Variants in PSD3 observed in about 807,000 individuals in gnomAD.
PSD3 encodes the protein pleckstrin and Sec7 domain containing 3, also known as PH and SEC7 domain-containing protein 3.
In PSD3, 49 loss-of-function variants were observed where a neutral mutation model predicts 105.5. The ratio of observed to expected loss-of-function variants is 0.46; its 90% CI spans 0.37 to 0.59. The LOEUF (loss-of-function observed/expected upper bound fraction) is 0.59. PSD3 is among the 20% of genes least tolerant of loss of function. PSD3 has a pLI of 0.00. For missense variants in PSD3, 1,561 were observed against 1,263.8 expected, an observed-to-expected ratio of 1.24 and a Z score of -3.57; for synonymous variants, 557 against 457.8, an observed-to-expected ratio of 1.22 and a Z score of -2.77.
chr8:18,989,345 G>A (rs1435785176), intron 1 of PSD3: 1 of 152,156 alleles, frequency 6.6e-6, no homozygotes, highest in Non-Finnish European at 1.5e-5. Flanking sequence ...GGGTCCTTCA[G>A]AATGAGTTTT....
chr8:18,623,931 T>G (rs1806303808), intron 11 of PSD3, among the ~76,000 whole-genome samples: 1 of 152,240 alleles, frequency 6.6e-6, no homozygotes. Flanking sequence ...CCGCTTTTTT[T>G]CATTCAACAT....
At chr8:18,919,845 T>C (rs1434255631) in intron 2 of PSD3, among the ~76,000 whole-genome samples, 1 of 91,654 alleles carries the variant, frequency 1.1e-5, no homozygotes, top group Non-Finnish European at 2.0e-5. Context: ...CTCTGGGGAC[T>C]GTGGTGGGGT....
chr8:18,666,921 C>G (rs1390873539), intron 9 of PSD3, among the ~76,000 whole-genome samples: 2 of 152,076 alleles, frequency 1.3e-5, no homozygotes, highest in Admixed American at 1.3e-4. Flanking sequence ...TGACTTCCCT[C>G]GCGGTCAGTG....
chr8:18,747,909 T>G (rs1387134223), intron 9 of PSD3, among the ~76,000 whole-genome samples: 1 of 150,826 alleles, frequency 6.6e-6, no homozygotes, highest in Admixed American at 6.6e-5. Flanking sequence ...CGGTGGAAGG[T>G]GGGAAGAGAA....
At chr8:18,627,403 T>C (rs1806565380) in intron 11 of PSD3, among the ~76,000 whole-genome samples, 1 of 152,038 alleles carries the variant, frequency 6.6e-6, no homozygotes, top group South Asian at 2.1e-4. Context: ...GTAGCATCGA[T>C]CTTAGCACTA....
At chr8:18,613,220 T>C (rs1805402092) in intron 11 of PSD3, among the ~76,000 whole-genome samples, 1 of 151,980 alleles carries the variant, frequency 6.6e-6, no homozygotes, top group Admixed American at 6.6e-5. Flanking sequence ...GCATGAGGGA[T>C]GAAAAACCAG....
intron 10 of PSD3, among the ~76,000 whole-genome samples, chr8:18,654,044 T>C (rs984083062): frequency 6.6e-6 from 1 of 152,216 alleles, no homozygotes; most frequent in African/African-American, 2.4e-5. Flanking sequence ...TCACCTTTGA[T>C]AGCAGACCAT....
At chr8:18,720,346 GC>G (rs143185883) in intron 9 of PSD3, among the ~76,000 whole-genome samples, 5,000 of 152,208 alleles carry the variant, frequency 0.033, 209 homozygotes, top group East Asian at 0.15. Flanking sequence ...GATTCTCTGA[GC>G]CTCTTAAGGT....
At chr8:18,548,179 T>A (rs923978459) in intron 15 of PSD3, among the ~76,000 whole-genome samples, 29 of 152,186 alleles carry the variant, frequency 1.9e-4, no homozygotes, top group African/African-American at 7.0e-4. Flanking sequence ...TTCTCTTAAT[T>A]GAACTTTTGT....
At chr8:18,838,818 AATAATAAT>A (rs765728834) in intron 4 of PSD3, among the ~76,000 whole-genome samples, 5,363 of 145,928 alleles carry the variant, frequency 0.037, 115 homozygotes, top group Admixed American at 0.067. Context: ...TAATAATAAT[AATAATAAT>A]AATAATAATA....
intron 14 of PSD3, among the ~76,000 whole-genome samples, chr8:18,571,268 A>G (rs1222319945): frequency 6.6e-6 from 1 of 152,164 alleles, no homozygotes; most frequent in East Asian, 1.9e-4. Flanking sequence ...CTGCAGAGGT[A>G]CATTTCTTGC....
intron 1 of PSD3, among the ~76,000 whole-genome samples, chr8:18,959,694 C>A (rs1476448656): frequency 1.3e-5 from 2 of 152,088 alleles, no homozygotes; most frequent in Non-Finnish European, 2.9e-5. Context: ...GGGAAAATGG[C>A]TAAAGATCAG....
intron 13 of PSD3, among the ~76,000 whole-genome samples, chr8:18,573,405 G>C (rs576851234): frequency 9.9e-5 from 15 of 152,266 alleles, no homozygotes; most frequent in Non-Finnish European, 1.9e-4. Context: ...GGGAGGCGGA[G>C]GTTGCAGTGA....
At chr8:18,766,852 T>G (rs1321650005) in intron 8 of PSD3, among the ~76,000 whole-genome samples, 1 of 152,232 alleles carries the variant, frequency 6.6e-6, no homozygotes, top group African/African-American at 2.4e-5. Context: ...ACATGCAGTG[T>G]GTTGCATTAT....
Position 18,527,474 on chromosome 8 carries a change from C to A in PSD3, c.*8269G>T, listed in dbSNP as rs541819261. On this transcript the variant is annotated 3_prime_UTR_variant, in exon 16 of 16. Transcript: ENST00000327040. ...AAAATATCCCCAACTTATAAAAACACAGGAACAATTATATTCATAAACATT... is the reference window on the plus strand; with the variant it reads ...AAAATATCCCCAACTTATAAAAACAAAGGAACAATTATATTCATAAACATT... 1 of 152,506 alleles carries A rather than the reference C, an allele frequency of 6.6e-6. No individual in the cohort carries two copies. The highest frequency in any genetic ancestry group is 1.5e-5 in the Non-Finnish European group (1 of 68,022). The allele number at this position is 152,506 out of a possible 1,614,324, so 9.4% of individuals were successfully genotyped here.
At chr8:18,790,385 C>T (rs934134091) in intron 8 of PSD3, among the ~76,000 whole-genome samples, 18 of 150,234 alleles carry the variant, frequency 1.2e-4, no homozygotes, top group African/African-American at 4.4e-4. Context: ...TCACTGCAAG[C>T]TCTGCTTCCA....
At chr8:18,778,300 T>C (rs775114003) in intron 8 of PSD3, among the ~76,000 whole-genome samples, 1 of 152,210 alleles carries the variant, frequency 6.6e-6, no homozygotes, top group South Asian at 2.1e-4. Context: ...CACTGCTGAG[T>C]TGTGTACACT....
At chr8:18,587,200 T>G (rs1803253999) in intron 12 of PSD3, among the ~76,000 whole-genome samples, 1 of 152,250 alleles carries the variant, frequency 6.6e-6, no homozygotes, top group Non-Finnish European at 1.5e-5. Context: ...CCAGGTCACA[T>G]GCCCCACACA....
At chr8:18,763,529 C>A in intron 9 of PSD3, among the ~76,000 whole-genome samples, 1 of 151,494 alleles carries the variant, frequency 6.6e-6, no homozygotes, top group East Asian at 1.9e-4. Context: ...GGGAATCCAG[C>A]GACAGCTATT....
Sources: gnomAD v4.1 joint callset for allele counts (sites outside exome capture counted in the v4.1 genomes callset) on GRCh38, gnomAD v4.1.1 for gene constraint, MANE v1.5 for transcripts, NCBI Gene and HGNC (gene_info 2026-07-23, HGNC 2026-07-21) for gene names.